LRMDA: variants seen among roughly 807,000 people sequenced by gnomAD.
The protein encoded by LRMDA is leucine rich melanocyte differentiation associated.
In LRMDA, 18 loss-of-function variants were observed where a neutral mutation model predicts 29.8. The ratio of observed to expected loss-of-function variants is 0.60; its 90% CI spans 0.42 to 0.90. LRMDA has a LOEUF of 0.90. LRMDA is among the 40% of genes least tolerant of loss of function. LRMDA has a pLI of 0.00. For missense variants in LRMDA, 273 were observed against 273.9 expected, an observed-to-expected ratio of 1.00 and a Z score of 0.02; for synonymous variants, 125 against 109.4, an observed-to-expected ratio of 1.14 and a Z score of -0.89.
chr10:75,621,199 T>TCAC (rs1554816441), intron 2 of LRMDA, among the ~76,000 whole-genome samples: 5 of 136,636 alleles, frequency 3.7e-5, no homozygotes, highest in Non-Finnish European at 8.2e-5. Flanking sequence ...AGTATTCCAT[T>TCAC]ACACACACAC....
chr10:75,677,671 C>T (rs1240679201), intron 2 of LRMDA, among the ~76,000 whole-genome samples: 1 of 152,084 alleles, frequency 6.6e-6, no homozygotes, highest in Non-Finnish European at 1.5e-5. Context: ...CTGTTTTGTC[C>T]TTCTCTGATG....
intron 2 of LRMDA, among the ~76,000 whole-genome samples, chr10:75,826,056 G>T (rs1844242233): frequency 6.6e-6 from 1 of 152,066 alleles, no homozygotes; most frequent in South Asian, 2.1e-4. Flanking sequence ...TGGCTTTGGG[G>T]GGCCTCAGAA....
chr10:76,188,072 C>T (rs1030539404), intron 5 of LRMDA, among the ~76,000 whole-genome samples: 4 of 152,112 alleles, frequency 2.6e-5, no homozygotes, highest in African/African-American at 4.8e-5. Flanking sequence ...GTCTGGCTTT[C>T]GATGGAGCTC....
At chr10:76,392,561 A>AT (rs1250094663) in intron 6 of LRMDA, among the ~76,000 whole-genome samples, 5 of 151,600 alleles carry the variant, frequency 3.3e-5, no homozygotes, top group African/African-American at 7.3e-5. Context: ...TCCAGTGAGC[A>AT]TTTTTTTTGA....
chr10:75,607,340 G>A (rs1191736703), intron 2 of LRMDA, among the ~76,000 whole-genome samples: 3 of 152,158 alleles, frequency 2.0e-5, no homozygotes, highest in South Asian at 2.1e-4. Context: ...TGTTAGATTC[G>A]AATGAATAAA....
chr10:76,442,389 A>G (rs1410130708), intron 6 of LRMDA, among the ~76,000 whole-genome samples: 1 of 152,214 alleles, frequency 6.6e-6, no homozygotes, highest in Non-Finnish European at 1.5e-5. Context: ...GCTTAAAATG[A>G]GAAGGTAAAA....
At chr10:76,197,395 A>G (rs1851348669) in intron 5 of LRMDA, among the ~76,000 whole-genome samples, 1 of 152,194 alleles carries the variant, frequency 6.6e-6, no homozygotes, top group Non-Finnish European at 1.5e-5. Flanking sequence ...TTCAGCAGTC[A>G]TGCCATTGAA....
chr10:76,011,121 T>A (rs1005511185), intron 2 of LRMDA, among the ~76,000 whole-genome samples: 1 of 152,206 alleles, frequency 6.6e-6, no homozygotes, highest in African/African-American at 2.4e-5. Flanking sequence ...GTGTTAACTT[T>A]TTTTTAGGAG....
intron 2 of LRMDA, among the ~76,000 whole-genome samples, chr10:75,889,107 T>C (rs941201106): frequency 1.3e-5 from 2 of 152,174 alleles, no homozygotes; most frequent in Admixed American, 1.3e-4. Context: ...TCAAGTGGTA[T>C]GAATGGGAAT....
At chr10:75,567,232 C>G (rs550453269) in intron 2 of LRMDA, among the ~76,000 whole-genome samples, 1 of 152,126 alleles carries the variant, frequency 6.6e-6, no homozygotes, top group Non-Finnish European at 1.5e-5. Context: ...TAAGTCTGAT[C>G]GGTTCAGCAC....
chr10:76,214,238 C>A (rs1851685651), intron 5 of LRMDA, among the ~76,000 whole-genome samples: 1 of 151,930 alleles, frequency 6.6e-6, no homozygotes, highest in African/African-American at 2.4e-5. Context: ...ATTTTCTCAT[C>A]TGCACAATGA....
chr10:75,517,493 T>C (rs996819545), intron 2 of LRMDA, among the ~76,000 whole-genome samples: 1 of 152,220 alleles, frequency 6.6e-6, no homozygotes, highest in Non-Finnish European at 1.5e-5. Flanking sequence ...ATGATTTGGC[T>C]GTCTGTTTGT....
chr10:75,935,321 C>T (rs969203546), intron 2 of LRMDA, among the ~76,000 whole-genome samples: 1 of 152,144 alleles, frequency 6.6e-6, no homozygotes, highest in Non-Finnish European at 1.5e-5. Context: ...GAAGACCTGG[C>T]TGAATAAGTG....
intron 1 of LRMDA, among the ~76,000 whole-genome samples, chr10:75,436,301 C>T (rs992361438): frequency 6.6e-6 from 1 of 152,082 alleles, no homozygotes; most frequent in Non-Finnish European, 1.5e-5. Context: ...GAGGAAAGAG[C>T]CCAGTTTCTG....
intron 5 of LRMDA, among the ~76,000 whole-genome samples, chr10:76,136,107 A>T (rs1035971849): frequency 6.6e-6 from 1 of 152,126 alleles, no homozygotes; most frequent in Non-Finnish European, 1.5e-5. Context: ...AATGGATGAG[A>T]CTTTAATCTT....
chr10:75,524,834 C>T (rs1015879297), intron 2 of LRMDA, among the ~76,000 whole-genome samples: 1 of 152,064 alleles, frequency 6.6e-6, no homozygotes, highest in Non-Finnish European at 1.5e-5. Flanking sequence ...TTGAGATGTG[C>T]AAGCTGATGT....
intron 6 of LRMDA, among the ~76,000 whole-genome samples, chr10:76,472,841 A>C (rs572783304): frequency 1.3e-5 from 2 of 151,636 alleles, no homozygotes; most frequent in East Asian, 3.9e-4. Flanking sequence ...GAATGGACCT[A>C]TAGAAAGTTA....
chr10:76,189,442 A>G (rs58609495), intron 5 of LRMDA, among the ~76,000 whole-genome samples: 9,993 of 152,220 alleles, frequency 0.066, 1,023 homozygotes, highest in African/African-American at 0.22. Context: ...CAGCATCACA[A>G]ATCTTGGAAT....
intron 2 of LRMDA, among the ~76,000 whole-genome samples, chr10:75,610,164 A>G (rs1054335165): frequency 1.3e-5 from 2 of 152,232 alleles, no homozygotes; most frequent in African/African-American, 4.8e-5. Flanking sequence ...TGAAAGTGCC[A>G]TGATTCAGTG....
Sources: gnomAD v4.1 joint callset for allele counts (sites outside exome capture counted in the v4.1 genomes callset) on GRCh38, gnomAD v4.1.1 for gene constraint, MANE v1.5 for transcripts, NCBI Gene and HGNC (gene_info 2026-07-23, HGNC 2026-07-21) for gene names.